REPS2: variants seen among roughly 807,000 people sequenced by gnomAD.
The protein encoded by REPS2 is RALBP1 associated Eps domain containing 2.
REPS2 carries 23 observed loss-of-function variants against 53.6 expected under a neutral mutation model. The ratio of observed to expected loss-of-function variants is 0.43; its 90% confidence interval spans 0.31 to 0.61. The LOEUF (loss-of-function observed/expected upper bound fraction) is 0.61. Among genes scored for constraint, REPS2 ranks in the 20% least tolerant of loss-of-function variants. The probability of loss-of-function intolerance (pLI) is 0.11; values close to 1 mark genes in which losing one functional copy is unlikely to be tolerated. For synonymous variants in REPS2, 238 were observed against 218.6 expected, an observed-to-expected ratio of 1.09 and a Z score of -0.78; for missense variants, 446 against 534.9, an observed-to-expected ratio of 0.83 and a Z score of 1.64.
chrX:17,007,453 A>G (rs765721622), intron 2 of REPS2, among the ~76,000 whole-genome samples: 17 of 112,229 alleles, frequency 1.5e-4, no homozygotes, highest in African/African-American at 4.9e-4. Context: ...TCAACCAGAC[A>G]GAGGTTCGTT....
chrX:17,024,302 C>CAAACA (rs1555919948), intron 3 of REPS2, among the ~76,000 whole-genome samples: 23 of 96,387 alleles, frequency 2.4e-4, no homozygotes, highest in African/African-American at 7.6e-4. Flanking sequence ...AACAAACAAA[C>CAAACA]AAAAAAAAGC....
intron 6 of REPS2, among the ~76,000 whole-genome samples, chrX:17,050,137 TCTTC>T (rs772334608): frequency 2.2e-4 from 11 of 48,997 alleles, no homozygotes; most frequent in Admixed American, 1.2e-3. Flanking sequence ...TTTCTTCCTT[TCTTC>T]CTTTCTTTCT....
chrX:17,011,406 G>T (rs2061428885), intron 2 of REPS2, among the ~76,000 whole-genome samples: 1 of 111,122 alleles, frequency 9.0e-6, no homozygotes, highest in African/African-American at 3.3e-5. Flanking sequence ...TCTTTCCAGG[G>T]TCTGAAGTTG....
chrX:17,109,534 A>G (rs1431846146), intron 14 of REPS2, among the ~76,000 whole-genome samples: 1 of 111,251 alleles, frequency 9.0e-6, no homozygotes, highest in Non-Finnish European at 1.9e-5. Flanking sequence ...CTCAGACCCT[A>G]TGGGGACAAG....
rs1371945154 is a variant in REPS2, at chrX:17,077,330, C to T, written c.1439C>T (p.Pro480Leu). Residue 480 changes from proline (P) to leucine (L), a missense_variant, in exon 13 of 18, where the codon CCG (proline) becomes CTG (leucine). Transcript: ENST00000357277. Reference protein sequence around the residue: ...AMKRGEDPPTPPPRPQKTHSR... With the variant: ...AMKRGEDPPTLPPRPQKTHSR... ...AAAAGGGGCGAGGACCCTCCCACCC[C>T]GCCACCTCGGCCACAGAAAACCCAT... The T allele has an allele frequency of 4.1e-6, 5 of 1,210,023 alleles. No individual in the cohort carries two copies. The highest frequency in any genetic ancestry group is 3.0e-5 in the East Asian group (1 of 33,743).
intron 13 of REPS2, chrX:17,099,758 G>A: frequency 1.8e-6 from 1 of 546,708 alleles, no homozygotes; most frequent in African/African-American, 2.2e-5. Flanking sequence ...ATGTGATAGA[G>A]GCTGGTACTC....
At position 17,075,067 on chromosome X, in the gene REPS2, G is replaced by A. The variant is rs1289139440; in HGVS notation, c.1379+908G>A. Among the ~76,000 whole-genome samples the A allele has an allele frequency of 1.3e-4, 14 of 111,870 alleles. No individual in the cohort carries two copies. In the Admixed American group the frequency reaches 1.3e-3, roughly 11 times the overall value. ...ATTGGGGTTTTGTTTCCTTGTTTATGTAAGATACAGATATCTATATTTTTA... is the reference window on the plus strand; with the variant it reads ...ATTGGGGTTTTGTTTCCTTGTTTATATAAGATACAGATATCTATATTTTTA... On this transcript the variant is annotated intron_variant, in intron 12 of 17. Coordinates refer to ENST00000357277, the MANE Select transcript of REPS2 (RefSeq NM_004726.3).
chrX:17,126,069 T>C (rs1490285673), intron 14 of REPS2, among the ~76,000 whole-genome samples: 1 of 112,564 alleles, frequency 8.9e-6, no homozygotes, highest in Non-Finnish European at 1.9e-5. Flanking sequence ...ATGCATAATT[T>C]ATTAATGTCA....
intron 1 of REPS2, among the ~76,000 whole-genome samples, chrX:16,986,627 C>T (rs2061093930): frequency 9.0e-6 from 1 of 111,548 alleles, no homozygotes; most frequent in Non-Finnish European, 1.9e-5. Context: ...TTAATGAGTT[C>T]AGGTTCATTA....
intron 5 of REPS2, among the ~76,000 whole-genome samples, chrX:17,045,349 G>A (rs1467733722): frequency 9.0e-6 from 1 of 110,576 alleles, no homozygotes; most frequent in Non-Finnish European, 1.9e-5. Flanking sequence ...AAAAAAGATG[G>A]TCATTATTTG....
intron 1 of REPS2, among the ~76,000 whole-genome samples, chrX:16,964,486 C>G (rs997614675): frequency 5.5e-5 from 6 of 109,319 alleles, no homozygotes; most frequent in Admixed American, 9.6e-5. Context: ...ACCTTTCCCC[C>G]CTTTCTATTC....
At chrX:17,045,241 T>A (rs2061890846) in intron 5 of REPS2, among the ~76,000 whole-genome samples, 1 of 110,756 alleles carries the variant, frequency 9.0e-6, no homozygotes, top group Non-Finnish European at 1.9e-5. Flanking sequence ...CCTGTTTATT[T>A]TTATAATAAT....
At chrX:16,981,803 T>G (rs1407720917) in intron 1 of REPS2, among the ~76,000 whole-genome samples, 1 of 112,400 alleles carries the variant, frequency 8.9e-6, no homozygotes, top group Non-Finnish European at 1.9e-5. Context: ...TGGTAATAAT[T>G]TATTACTGTA....
chrX:17,021,957 A>G (rs1205153341), intron 2 of REPS2, among the ~76,000 whole-genome samples, 166 bp from the exon 3 acceptor site: 1 of 112,443 alleles, frequency 8.9e-6, no homozygotes, highest in African/African-American at 3.2e-5. Context: ...CATTTTAAAA[A>G]TCAGGACGTT....
intron 9 of REPS2, among the ~76,000 whole-genome samples, chrX:17,063,335 C>G (rs945896822): frequency 8.9e-6 from 1 of 111,891 alleles, no homozygotes; most frequent in Non-Finnish European, 1.9e-5. Context: ...GTTGAAACCA[C>G]TGCAAGATGA....
At chrX:17,010,678 T>TTGAA (rs1010405165) in intron 2 of REPS2, among the ~76,000 whole-genome samples, 3 of 111,675 alleles carry the variant, frequency 2.7e-5, no homozygotes, top group African/African-American at 6.5e-5. Flanking sequence ...TGTGTATTGG[T>TTGAA]TGAATGAATG....
At chrX:17,003,665 C>G (rs1311192858) in intron 1 of REPS2, among the ~76,000 whole-genome samples, 6 of 111,784 alleles carry the variant, frequency 5.4e-5, no homozygotes, top group Non-Finnish European at 9.4e-5. Flanking sequence ...GAGAATTCTT[C>G]CAGCCCCTCC....
intron 13 of REPS2, among the ~76,000 whole-genome samples, chrX:17,080,630 A>G (rs2062443542): frequency 8.9e-6 from 1 of 112,247 alleles, no homozygotes; most frequent in Admixed American, 9.4e-5. Flanking sequence ...AACTTGCTCC[A>G]TCATCAACAC....
intron 12 of REPS2, among the ~76,000 whole-genome samples, chrX:17,074,901 T>C (rs2033778768): frequency 8.9e-6 from 1 of 111,803 alleles, no homozygotes; most frequent in Non-Finnish European, 1.9e-5. Flanking sequence ...CATTTTTCCC[T>C]CCTTTGCCTA....
Sources: gnomAD v4.1 joint callset for allele counts (sites outside exome capture counted in the v4.1 genomes callset) on GRCh38, gnomAD v4.1.1 for gene constraint, MANE v1.5 for transcripts, NCBI Gene and HGNC (gene_info 2026-07-23, HGNC 2026-07-21) for gene names.